Variants in IRAG2 observed in about 807,000 individuals in gnomAD.
IRAG2 encodes the protein inositol 1,4,5-triphosphate receptor associated 2.
A neutral mutation model predicts 69.9 loss-of-function variants in IRAG2; 45 were observed. The observed-to-expected ratio is 0.64, with a 90% CI of 0.51 to 0.83. The LOEUF is 0.83. Among genes scored for constraint, IRAG2 ranks in the 40% least tolerant of loss-of-function variants. The pLI, the probability that IRAG2 is intolerant of heterozygous loss-of-function variation, is 0.00. For missense variants in IRAG2, 520 were observed against 587.0 expected, an observed-to-expected ratio of 0.89 and a Z score of 1.18; for synonymous variants, 193 against 202.4, an observed-to-expected ratio of 0.95 and a Z score of 0.40.
At chr12:25,039,638 A>G (rs185335020) in intron 16 of IRAG2, among the ~76,000 whole-genome samples, 68 of 152,132 alleles carry the variant, frequency 4.5e-4, no homozygotes, top group East Asian at 3.5e-3. Flanking sequence ...CACCATGTTA[A>G]CCAGGATGGT....
intron 2 of IRAG2, among the ~76,000 whole-genome samples, chr12:25,005,742 AT>A (rs1294747881): frequency 6.6e-6 from 1 of 152,162 alleles, no homozygotes; most frequent in African/African-American, 2.4e-5. Flanking sequence ...TTTTTCTTTA[AT>A]TTTTATTTTT....
chr12:25,104,255 A>G, intron 19 of IRAG2, 106 bp from the exon 20 acceptor site: 1 of 846,542 alleles, frequency 1.2e-6, no homozygotes, highest in Non-Finnish European at 1.9e-6. Flanking sequence ...CAAGAAAAAA[A>G]TAATTAGGAC....
intron 1 of IRAG2, among the ~76,000 whole-genome samples, chr12:25,058,059 G>T (rs142976663): frequency 6.6e-6 from 1 of 152,208 alleles, no homozygotes. Flanking sequence ...ATGAACGTCT[G>T]TGTACAAGTC....
rs76093433 is a variant in IRAG2 at position 25,102,452 on chromosome 12, C to G, written c.933+211C>G. On this transcript the variant is annotated intron_variant, in intron 17 of 21. Transcript: ENST00000556887. The stretch of plus-strand genomic sequence containing the variant: ...GGCAGCATGAAGAAAGTCAGTACAA[C>G]AATGGTTTCTCTCTGTTGTGTAAAA... The G allele has an allele frequency of 1.4e-4, 75 of 544,822 alleles. No homozygotes were observed. The East Asian group carries it at 2.3e-3, about 17-fold the overall frequency. The allele number at this position is 544,822 out of a possible 1,614,324, so 33.7% of individuals were successfully genotyped here. A position where few individuals can be genotyped will look rare whatever the true frequency, so the allele number is the denominator to read the frequency against.
chr12:25,104,118 T>C, intron 19 of IRAG2, 60 bp downstream of exon 19: 1 of 1,376,298 alleles, frequency 7.3e-7, no homozygotes, highest in East Asian at 2.3e-5. Context: ...TGGGCTAACC[T>C]AAATGAGTGC....
chr12:25,030,395 TC>T, intron 10 of IRAG2: 2 of 1,134,726 alleles, frequency 1.8e-6, no homozygotes, highest in Non-Finnish European at 2.2e-6. Context: ...CAAATCTGAT[TC>T]TTTTTTTTTT....
intron 2 of IRAG2, among the ~76,000 whole-genome samples, chr12:25,008,544 G>A (rs1256470148): frequency 6.6e-6 from 1 of 152,070 alleles, no homozygotes; most frequent in Non-Finnish European, 1.5e-5. Flanking sequence ...TTTGAGACCA[G>A]CCTAGCCAAC....
At chr12:25,000,510 G>C (rs1944383999), upstream of IRAG2, among the ~76,000 whole-genome samples, 1 of 152,136 alleles carries the variant, frequency 6.6e-6, no homozygotes, top group African/African-American at 2.4e-5. Flanking sequence ...CCAGCTACTT[G>C]GGAGGCTGAG....
intron 17 of IRAG2, 163 bp from the exon 18 acceptor site, chr12:25,103,674 T>C: frequency 1.8e-6 from 1 of 556,758 alleles, no homozygotes; most frequent in Non-Finnish European, 3.1e-6. Context: ...GTAAAATATT[T>C]CTGGAAGACA....
chr12:25,011,526 T>C (rs1292948843), exon 3 of IRAG2: 1 of 1,231,716 alleles, frequency 8.1e-7, no homozygotes, highest in African/African-American at 1.5e-5. Context: ...GATGAAAGAC[T>C]GGATGGCTTA....
Position 25,079,396 on chromosome 12 carries a change from A to C in IRAG2, c.72-2A>C, listed in dbSNP as rs1201402236. Reference sequence around the variant, plus strand: ...AAAACATGTTTGCTATCTTTTTGGCAGGGAATATTCCTCACTACCATTACC... The same window carrying C: ...AAAACATGTTTGCTATCTTTTTGGCCGGGAATATTCCTCACTACCATTACC... On this transcript the variant is annotated splice_acceptor_variant, in intron 7 of 21. Coordinates refer to ENST00000556887, the MANE Select transcript of IRAG2 (RefSeq NM_001366544.2). LOFTEE classifies it high-confidence loss of function. The C allele has an allele frequency of 1.2e-6, 2 of 1,613,538 alleles. No homozygotes were observed. Among genetic ancestry groups the C allele is most frequent in the East Asian group, 2.2e-5 (1 of 44,870 alleles).
At chr12:25,028,070 G>A (rs763521291) in intron 9 of IRAG2, among the ~76,000 whole-genome samples, 1 of 152,086 alleles carries the variant, frequency 6.6e-6, no homozygotes, top group African/African-American at 2.4e-5. Context: ...GATTACAGGC[G>A]TGCGCCACCA....
chr12:25,054,601 A>G (rs1371887269), intron 1 of IRAG2, among the ~76,000 whole-genome samples: 3 of 152,188 alleles, frequency 2.0e-5, no homozygotes, highest in African/African-American at 4.8e-5. Flanking sequence ...GCAGAATATG[A>G]AAGCTGCCCT....
intron 8 of IRAG2, chr12:25,024,020 T>A: frequency 1.7e-6 from 1 of 574,584 alleles, no homozygotes; most frequent in Non-Finnish European, 2.6e-6. Flanking sequence ...AAATATAGCC[T>A]CCTATAGGCC....
intron 16 of IRAG2, among the ~76,000 whole-genome samples, chr12:25,041,333 A>G (rs1353105397): frequency 6.6e-6 from 1 of 152,192 alleles, no homozygotes; most frequent in Non-Finnish European, 1.5e-5. Flanking sequence ...GGAGCAGAGA[A>G]AAAATGTGAT....
intron 7 of IRAG2, among the ~76,000 whole-genome samples, chr12:25,021,414 A>C (rs879005765): frequency 6.6e-6 from 1 of 152,284 alleles, no homozygotes; most frequent in East Asian, 1.9e-4. Flanking sequence ...ACTTGAATTA[A>C]AAAAAATCTG....
rs140390252 is a variant in IRAG2 at position 25,077,631 on chromosome 12, T to C, written c.25-1613T>C. On this transcript the variant is annotated intron_variant, in intron 6 of 21. Transcript: ENST00000556887. ...GATTTGTATTATATATTTCTCTCCATGCTTGGCCTACGGGCTTCTTCAGGA... is the reference window on the plus strand; with the variant it reads ...GATTTGTATTATATATTTCTCTCCACGCTTGGCCTACGGGCTTCTTCAGGA... Among the ~76,000 whole-genome samples the C allele has an allele frequency of 4.3e-4, 66 of 152,040 alleles. No homozygotes were observed. In the East Asian group the frequency reaches 0.012, roughly 28 times the overall value.
At chr12:25,067,388 G>A (rs11047805) in intron 5 of IRAG2, among the ~76,000 whole-genome samples, 4,084 of 152,208 alleles carry the variant, frequency 0.027, 171 homozygotes, top group African/African-American at 0.084. Context: ...TGAAATGGGC[G>A]TCCAGTAATT....
At chr12:25,101,840 C>A (rs1948766044) in intron 16 of IRAG2, 3 of 479,618 alleles carry the variant, frequency 6.3e-6, no homozygotes, top group South Asian at 5.0e-5. Context: ...ATGAACTTTT[C>A]TGAGCAGAAT....
Sources: allele counts gnomAD v4.1 joint callset (sites outside exome capture counted in the v4.1 genomes callset), GRCh38; gene constraint gnomAD v4.1.1; transcripts MANE v1.5; gene names NCBI Gene and HGNC (gene_info 2026-07-23, HGNC 2026-07-21).